Variants in ARHGEF9 observed in about 807,000 individuals in gnomAD.
ARHGEF9 encodes the protein Cdc42 guanine nucleotide exchange factor 9.
In ARHGEF9, 2 loss-of-function variants were observed where a neutral mutation model predicts 41.3. The observed-to-expected ratio is 0.05, with a 90% CI of 0.02 to 0.15. ARHGEF9 has a LOEUF of 0.15. Ranked by LOEUF, ARHGEF9 falls within the 10% of genes least tolerant of loss-of-function variation. ARHGEF9 has a pLI of 1.00. For missense variants in ARHGEF9, 225 were observed against 424.7 expected (o/e 0.53, Z 4.13); for synonymous variants, 160 against 154.4 (o/e 1.04, Z -0.27).
Position 63,635,706 on chromosome X carries a change from G to C in ARHGEF9, c.*2322C>G. The C allele has an allele frequency of 4.2e-6, 1 of 237,864 alleles. No homozygotes were observed. The allele number at this position is 237,864 out of a possible 1,213,427, so 19.6% of individuals were successfully genotyped here. A position where few individuals can be genotyped will look rare whatever the true frequency, so the allele number is the denominator to read the frequency against. On this transcript the variant is annotated 3_prime_UTR_variant, in exon 10 of 10. Coordinates refer to ENST00000671741, the MANE Select transcript of ARHGEF9 (RefSeq NM_001353921.2). ...GCCCTGGGCAGAAGCCCCAAGGAGG[G>C]AGGAAATGAGAGGGCCTAGTCAAGA...
intron 4 of ARHGEF9, among the ~76,000 whole-genome samples, chrX:63,681,511 A>G (rs2147350568): frequency 8.9e-6 from 1 of 112,127 alleles, no homozygotes; most frequent in African/African-American, 3.2e-5. Context: ...AAATGGGTCA[A>G]AGAAAAAATC....
chrX:63,785,043 G>C (rs782147926), intron 1 of ARHGEF9, 73 bp downstream of exon 1: 104 of 1,130,400 alleles, frequency 9.2e-5, no homozygotes, highest in South Asian at 5.8e-4. Context: ...CTTGTGGCTC[G>C]TTGGAGGAAC....
chrX:63,712,125 G>A (rs374325654), intron 2 of ARHGEF9, among the ~76,000 whole-genome samples: 1 of 111,996 alleles, frequency 8.9e-6, no homozygotes, highest in Non-Finnish European at 1.9e-5. Context: ...TCAATAACAA[G>A]TATTGACGAG....
intron 1 of ARHGEF9, among the ~76,000 whole-genome samples, chrX:63,774,597 G>C (rs1191691136): frequency 9.0e-6 from 1 of 111,359 alleles, no homozygotes; most frequent in Non-Finnish European, 1.9e-5. Flanking sequence ...TTAATGCCTT[G>C]ATTCTTTATC....
intron 1 of ARHGEF9, among the ~76,000 whole-genome samples, chrX:63,772,977 C>T (rs781985169): frequency 9.0e-6 from 1 of 111,663 alleles, no homozygotes; most frequent in South Asian, 3.8e-4. Flanking sequence ...CAAGTCTCTA[C>T]ACAACTGACT....
At chrX:63,699,663 C>T (rs1411032474) in intron 3 of ARHGEF9, among the ~76,000 whole-genome samples, 1 of 111,441 alleles carries the variant, frequency 9.0e-6, no homozygotes, top group Non-Finnish European at 1.9e-5. Flanking sequence ...GGAAGAATGC[C>T]CACAGGATGG....
chrX:63,660,525 C>A (rs2049150768), intron 7 of ARHGEF9, among the ~76,000 whole-genome samples: 1 of 111,521 alleles, frequency 9.0e-6, no homozygotes, highest in Non-Finnish European at 1.9e-5. Context: ...TTTGAATATG[C>A]ACCCCCTAAA....
At chrX:63,675,904 G>A (rs1220252861) in intron 5 of ARHGEF9, among the ~76,000 whole-genome samples, 1 of 112,168 alleles carries the variant, frequency 8.9e-6, no homozygotes, top group Non-Finnish European at 1.9e-5. Flanking sequence ...ACAGTTCAGT[G>A]TTAACACCTT....
chrX:63,745,509 C>T (rs1359472201), intron 1 of ARHGEF9, among the ~76,000 whole-genome samples: 1 of 111,506 alleles, frequency 9.0e-6, no homozygotes, highest in Non-Finnish European at 1.9e-5. Flanking sequence ...GTCTCTGATC[C>T]AGCCAAGGGA....
intron 8 of ARHGEF9, among the ~76,000 whole-genome samples, chrX:63,654,667 G>A (rs1433059197): frequency 1.8e-5 from 2 of 111,622 alleles, no homozygotes; most frequent in African/African-American, 6.5e-5. Context: ...TTTTTCTAGA[G>A]ACAATTTCCA....
chrX:63,717,115 T>C (rs2053354369), intron 2 of ARHGEF9, among the ~76,000 whole-genome samples: 1 of 112,030 alleles, frequency 8.9e-6, no homozygotes, highest in Non-Finnish European at 1.9e-5. Flanking sequence ...GGGCAGAATG[T>C]TCAGGTCTAT....
intron 4 of ARHGEF9, among the ~76,000 whole-genome samples, chrX:63,695,315 T>TACATAG (rs2051662371): frequency 1.8e-5 from 2 of 112,004 alleles, no homozygotes; most frequent in Admixed American, 1.9e-4. Flanking sequence ...GGTACATACA[T>TACATAG]CTAGTCTTCG....
chrX:63,727,377 G>A (rs1212297370), intron 1 of ARHGEF9: 1 of 111,443 alleles, frequency 9.0e-6, no homozygotes, highest in East Asian at 2.8e-4. Flanking sequence ...GGGCCCTCAG[G>A]TCACAAGGCT....
Position 63,785,162 on chromosome X carries a change from G to A in ARHGEF9, c.-17C>T, listed in dbSNP as rs1261901913. On this transcript the variant is annotated 5_prime_UTR_variant, in exon 1 of 10. Coordinates refer to ENST00000671741, the MANE Select transcript of ARHGEF9 (RefSeq NM_001353921.2). ...CCACTGCATGGTGCTTGCGAAGTCCGGCTTCTCTGAGGCCCCGTAGCTGGC... is the reference window on the plus strand; with the variant it reads ...CCACTGCATGGTGCTTGCGAAGTCCAGCTTCTCTGAGGCCCCGTAGCTGGC... 1.4e-5 allele frequency: 16 copies of A among 1,161,597 alleles called. No homozygotes were observed. In the Admixed American group the frequency reaches 2.6e-4, roughly 19 times the overall value.
At chrX:63,700,313 C>T (rs2052069828) in intron 3 of ARHGEF9, among the ~76,000 whole-genome samples, 1 of 111,779 alleles carries the variant, frequency 8.9e-6, no homozygotes, top group African/African-American at 3.2e-5. Flanking sequence ...AAAAGAAAGG[C>T]CAGGAGAAAT....
chrX:63,646,057 C>T (rs1271551645), intron 8 of ARHGEF9, among the ~76,000 whole-genome samples: 1 of 111,675 alleles, frequency 9.0e-6, no homozygotes, highest in Non-Finnish European at 1.9e-5. Flanking sequence ...ATATCCTTCA[C>T]CCACTTGTTG....
At chrX:63,763,847 A>T (rs1556450616) in intron 1 of ARHGEF9, among the ~76,000 whole-genome samples, 1 of 111,662 alleles carries the variant, frequency 9.0e-6, no homozygotes, top group Non-Finnish European at 1.9e-5. Context: ...GACAATAAAT[A>T]CTATTATTTG....
chrX:63,635,027 A>C lies in ARHGEF9; in HGVS notation c.*3001T>G. The C allele has an allele frequency of 7.5e-6, 2 of 265,491 alleles. No homozygotes were observed. The highest frequency in any genetic ancestry group is 1.3e-5 in the Non-Finnish European group (2 of 152,686). The allele number at this position is 265,491 out of a possible 1,213,427, so 21.9% of individuals were successfully genotyped here. A position where few individuals can be genotyped will look rare whatever the true frequency, so the allele number is the denominator to read the frequency against. On this transcript the variant is annotated 3_prime_UTR_variant, in exon 10 of 10. Transcript: ENST00000671741. The stretch of plus-strand genomic sequence containing the variant: ...TTTTCATAAGGCTTTGTGTCATTAC[A>C]ACATTTTTTTTGTTAAACATTTTTT...
At chrX:63,728,405 A>G (rs1280277679) in intron 1 of ARHGEF9, among the ~76,000 whole-genome samples, 1 of 111,926 alleles carries the variant, frequency 8.9e-6, no homozygotes, top group Non-Finnish European at 1.9e-5. Flanking sequence ...CCAGGTACCA[A>G]CAATGCATAT....
Sources: allele counts gnomAD v4.1 joint callset (sites outside exome capture counted in the v4.1 genomes callset), GRCh38; gene constraint gnomAD v4.1.1; transcripts MANE v1.5; gene names NCBI Gene and HGNC (gene_info 2026-07-23, HGNC 2026-07-21).